MEGF10: variants seen among roughly 807,000 people sequenced by gnomAD.
MEGF10 encodes the protein multiple EGF like domains 10.
MEGF10 carries 86 observed loss-of-function variants against 147.5 expected under a neutral mutation model. The ratio of observed to expected loss-of-function variants is 0.58; its 90% confidence interval spans 0.49 to 0.70. The LOEUF (loss-of-function observed/expected upper bound fraction) is 0.70, where lower values mean the gene tolerates loss of function less well. Ranked by LOEUF, MEGF10 falls within the 30% of genes least tolerant of loss-of-function variation. The probability of loss-of-function intolerance (pLI) is 0.00; values close to 1 mark genes in which losing one functional copy is unlikely to be tolerated. For synonymous variants in MEGF10, 478 were observed against 525.5 expected, an observed-to-expected ratio of 0.91 and a Z score of 1.24; for missense variants, 1,329 against 1,487.3, an observed-to-expected ratio of 0.89 and a Z score of 1.75.
At chr5:127,312,817 T>C (rs1012860111) in intron 1 of MEGF10, among the ~76,000 whole-genome samples, 4 of 152,166 alleles carry the variant, frequency 2.6e-5, no homozygotes, top group Non-Finnish European at 5.9e-5. Context: ...TAGCAAGAAA[T>C]TAACTATAGC....
At chr5:127,422,859 CCAGT>C (rs1238322346) in intron 13 of MEGF10, 87 bp downstream of exon 13, 22 of 944,172 alleles carry the variant, frequency 2.3e-5, no homozygotes, top group Admixed American at 4.8e-5. Context: ...GAAACACACA[CCAGT>C]CAACTTTTCA....
chr5:127,244,314 G>T, the MEGF10 span, among the ~76,000 whole-genome samples: 1 of 150,914 alleles, frequency 6.6e-6, no homozygotes, highest in East Asian at 1.9e-4. Context: ...GTATTATTGG[G>T]CTATCGTGCC....
rs1766052278 is a variant in MEGF10, at chr5:127,448,972, C to G, written c.2857-127C>G. On this transcript the variant is annotated intron_variant, in intron 21 of 24. Transcript: ENST00000503335. ...CAGGTTACAAGCAGTCACCTCGGCC[C>G]CTGAGCTCAGGTCACTCTAAGGACT... 2.4e-6 allele frequency: 3 copies of G among 1,258,982 alleles called. No individual in the cohort carries two copies. In the African/African-American group the frequency reaches 4.5e-5, roughly 19 times the overall value. 78.0% of individuals were successfully genotyped at this position (1,258,982 alleles called of 1,614,324 possible).
chr5:127,393,777 A>G lies in MEGF10; in HGVS notation c.413-2755A>G, dbSNP rs147277570. 5.5e-3 allele frequency among the ~76,000 whole-genome samples: 831 copies of G among 152,198 alleles called. 8 individuals carry two copies. Among genetic ancestry groups the G allele is most frequent in the African/African-American group, 0.019 (801 of 41,534 alleles). ...CTGATAGTTATCAGTTTCTGCTATA[A>G]ACTCACTTGTATTATGATAAGATAT... On this transcript the variant is annotated intron_variant, in intron 5 of 24. Coordinates refer to ENST00000503335, the MANE Select transcript of MEGF10 (RefSeq NM_001256545.2).
At chr5:127,389,893 C>G (rs1443695707) in intron 5 of MEGF10, among the ~76,000 whole-genome samples, 1 of 152,108 alleles carries the variant, frequency 6.6e-6, no homozygotes, top group Non-Finnish European at 1.5e-5. Context: ...ACCTTCATAA[C>G]AAACCCGCAC....
At chr5:127,370,157 T>C (rs1294359866) in intron 5 of MEGF10, among the ~76,000 whole-genome samples, 155 bp downstream of exon 5, 1 of 152,226 alleles carries the variant, frequency 6.6e-6, no homozygotes, top group Non-Finnish European at 1.5e-5. Flanking sequence ...TTCTTTTAAA[T>C]CTGTACATGT....
chr5:127,429,526 A>G (rs900611843), intron 13 of MEGF10, among the ~76,000 whole-genome samples: 10 of 152,198 alleles, frequency 6.6e-5, no homozygotes, highest in Non-Finnish European at 1.5e-4. Context: ...AATTTATTTA[A>G]CACCTCCCAT....
the MEGF10 span, among the ~76,000 whole-genome samples, chr5:127,266,997 G>C: frequency 6.6e-6 from 1 of 152,164 alleles, no homozygotes; most frequent in Non-Finnish European, 1.5e-5. Context: ...CCTGTCTTGT[G>C]CCAGTTTTCA....
the MEGF10 span, among the ~76,000 whole-genome samples, chr5:127,284,437 T>A: frequency 6.6e-6 from 1 of 151,946 alleles, no homozygotes; most frequent in African/African-American, 2.4e-5. Flanking sequence ...AAACATAGCA[T>A]AATGGTGAGA....
chr5:127,437,293 A>G, intron 16 of MEGF10, among the ~76,000 whole-genome samples: 1 of 152,204 alleles, frequency 6.6e-6, no homozygotes, highest in Non-Finnish European at 1.5e-5. Flanking sequence ...ACGAGTCACT[A>G]TTAACCTTTT....
chr5:127,396,562 G>T lies in MEGF10; in HGVS notation c.443G>T (p.Cys148Phe), dbSNP rs746653456. 12 of 1,584,496 alleles carry T rather than the reference G, an allele frequency of 7.6e-6. No homozygotes were observed. The highest frequency in any genetic ancestry group is 1.0e-5 in the Non-Finnish European group (12 of 1,162,176). Residue 148 changes from cysteine (C) to phenylalanine (F), a missense_variant, in exon 6 of 25, where the codon TGC (cysteine) becomes TTC (phenylalanine). This residue lies in a region of MEGF10 where 980 missense variants were observed against 1,085.9 expected (regional missense o/e 0.90). Transcript: ENST00000503335. ...ACDGDHWGPH[C>F]TSRCQCKNGA... ...GATGGTGATCACTGGGGTCCCCACT[G>T]CACCAGCCGGTGCCAGTGCAAAAAT...
intron 5 of MEGF10, among the ~76,000 whole-genome samples, chr5:127,381,854 A>G (rs1763276718): frequency 1.3e-5 from 2 of 152,118 alleles, no homozygotes; most frequent in Non-Finnish European, 2.9e-5. Context: ...TATTTTTAGT[A>G]GAGGTGGGGT....
At chr5:127,395,605 C>T (rs1005128296) in intron 5 of MEGF10, among the ~76,000 whole-genome samples, 23 of 130,334 alleles carry the variant, frequency 1.8e-4, no homozygotes, top group Admixed American at 1.3e-3. Context: ...AGTGCAGTGG[C>T]GCAGTCTTAG....
At chr5:127,378,889 C>A (rs1763138424) in intron 5 of MEGF10, among the ~76,000 whole-genome samples, 1 of 151,086 alleles carries the variant, frequency 6.6e-6, no homozygotes, top group Non-Finnish European at 1.5e-5. Flanking sequence ...TTTCCAACCT[C>A]TGATCACAGA....
intron 5 of MEGF10, among the ~76,000 whole-genome samples, chr5:127,392,382 C>A (rs1763738345): frequency 1.3e-5 from 2 of 152,162 alleles, no homozygotes; most frequent in African/African-American, 4.8e-5. Flanking sequence ...ATGTGGCACA[C>A]CCTGCCTTTT....
At chr5:127,407,355 C>T (rs187991037) in intron 8 of MEGF10, among the ~76,000 whole-genome samples, 2 of 152,286 alleles carry the variant, frequency 1.3e-5, no homozygotes, top group African/African-American at 4.8e-5. Flanking sequence ...GAAAGCGGTA[C>T]CTGTCACCCC....
chr5:127,365,537 T>C (rs1231736602), intron 4 of MEGF10, among the ~76,000 whole-genome samples: 1 of 152,240 alleles, frequency 6.6e-6, no homozygotes, highest in African/African-American at 2.4e-5. Context: ...ATCATGTCAG[T>C]GCCCACCTGT....
chr5:127,369,593 A>T (rs1021566635), intron 4 of MEGF10, among the ~76,000 whole-genome samples: 1 of 152,344 alleles, frequency 6.6e-6, no homozygotes, highest in Non-Finnish European at 1.5e-5. Context: ...TGAAACAAAA[A>T]GGAATATTTG....
At position 127,419,223 on chromosome 5, in the gene MEGF10, C is replaced by T; in HGVS notation, c.1409C>T (p.Ser470Phe). Residue 470 changes from serine (S) to phenylalanine (F), a missense_variant, in exon 11 of 25, where the codon TCT (serine) becomes TTT (phenylalanine). Ser to Phe is a radical substitution (Grantham distance 155). Transcript: ENST00000503335. Reference sequence around the variant, plus strand: ...GCAGTCTGCTCTCCTGTGGACGGGTCTTGTACTTGCAAGGCAGGTAAGAAT... The same window carrying T: ...GCAGTCTGCTCTCCTGTGGACGGGTTTTGTACTTGCAAGGCAGGTAAGAAT... The part of the protein sequence containing the change: ...NDAVCSPVDG[S>F]CTCKAGWHGV... The T allele has an allele frequency of 6.2e-7, 1 of 1,613,756 alleles. No homozygotes were observed. Among genetic ancestry groups the T allele is most frequent in the Non-Finnish European group, 8.5e-7 (1 of 1,179,906 alleles).
Sources: gnomAD v4.1 joint callset for allele counts (sites outside exome capture counted in the v4.1 genomes callset) on GRCh38, gnomAD v4.1.1 for gene constraint, gnomAD v4.1.1 regional missense constraint, MANE v1.5 for transcripts, NCBI Gene and HGNC (gene_info 2026-07-23, HGNC 2026-07-21) for gene names.